The following E2F7 variants were observed in gnomAD, a reference collection of about 807,000 sequenced individuals.
The protein encoded by E2F7 is transcription factor E2F7.
A neutral mutation model predicts 81.1 loss-of-function variants in E2F7; 35 were observed. That is an observed-to-expected ratio of 0.43 (90% CI 0.33 to 0.57). The LOEUF is 0.57. E2F7 is among the 20% of genes least tolerant of loss of function. The pLI is 0.04. For synonymous variants in E2F7, 416 were observed against 416.2 expected (o/e 1.00, Z 0.01); for missense variants, 961 against 1,093.7 (o/e 0.88, Z 1.71).
In E2F7 at chr12:77,030,062, A is replaced by G; in HGVS notation, c.1653T>C (p.Ser551=). 6.2e-7 allele frequency: 1 copy of G among 1,614,194 alleles called. No individual in the cohort carries two copies. ...TTCCATACAGCATGAACAGTGAGGC[A>G]GAGGGCACATACACTAGAGGCTGGC... ...LAGQPLVYVP[S]ASLFMLYGSL... Residue 551 remains serine (S), a synonymous_variant, in exon 10 of 13, where the codon TCT becomes TCC. Transcript: ENST00000322886.
intron 12 of E2F7, among the ~76,000 whole-genome samples, chr12:77,024,455 C>A (rs1041820035): frequency 2.6e-5 from 4 of 152,156 alleles, no homozygotes; most frequent in African/African-American, 9.7e-5. Flanking sequence ...CCACTGTGGA[C>A]AAGTTACTTA....
chr12:77,056,236 C>T, intron 2 of E2F7, 106 bp from the exon 3 acceptor site: 1 of 1,205,252 alleles, frequency 8.3e-7, no homozygotes, highest in South Asian at 1.6e-5. Context: ...CAAATAGGAC[C>T]ATATGTTTAG....
Position 77,043,066 on chromosome 12 carries a change from A to G in E2F7, c.1122T>C (p.Ser374=), listed in dbSNP as rs749894747. 1.9e-5 allele frequency: 30 copies of G among 1,613,832 alleles called. No individual in the cohort carries two copies. Among genetic ancestry groups the G allele is most frequent in the Non-Finnish European group, 2.5e-5 (29 of 1,179,934 alleles). Residue 374 remains serine (S), a splice_region_variant and synonymous_variant, in exon 7 of 13, where the codon AGT becomes AGC. Coordinates refer to ENST00000322886, the MANE Select transcript of E2F7 (RefSeq NM_203394.3). ...GCTAGCAAAACCACGCCACCTTACC[A>G]CTTGAGCTGAAGTCCACAGGCCCGA... is the stretch of plus-strand genomic sequence containing the variant. The part of the protein sequence containing the change: ...KWIGPVDFSS[S]DEELVDVSAS...
In E2F7 at chr12:77,028,087, C is replaced by T. The variant is rs1194587425; in HGVS notation, c.1936G>A (p.Ala646Thr). The change falls in exon 11 of 13, where the codon GCA (alanine) becomes ACA (threonine). Residue 646 changes from alanine to threonine, a missense_variant. Physicochemically the swap from Ala to Thr is moderately conservative, Grantham distance 58. This residue lies in a region of E2F7 where 587 missense variants were observed against 620.3 expected (regional missense o/e 0.95). Transcript: ENST00000322886. ...TGAATGTCTTTGAGGGGTATAGATGCCCTGTTACCCATAGTCTTGGGAGAG... is the reference window on the plus strand; with the variant it reads ...TGAATGTCTTTGAGGGGTATAGATGTCCTGTTACCCATAGTCTTGGGAGAG... ...LASPKTMGNR[A>T]SIPLKDIHVN... 1 of 1,614,186 alleles carries T rather than the reference C, an allele frequency of 6.2e-7. No homozygotes were observed. The highest frequency in any genetic ancestry group is 1.1e-5 in the South Asian group (1 of 91,074).
At chr12:77,048,757 G>C (rs1158931457) in intron 4 of E2F7, among the ~76,000 whole-genome samples, 1 of 152,146 alleles carries the variant, frequency 6.6e-6, no homozygotes, top group South Asian at 2.1e-4. Context: ...CTGGAGTTCT[G>C]CTCCAGGCAG....
chr12:77,035,388 C>T (rs948481857), intron 7 of E2F7, among the ~76,000 whole-genome samples: 2 of 152,192 alleles, frequency 1.3e-5, no homozygotes, highest in South Asian at 4.1e-4. Flanking sequence ...CATTCAAAAG[C>T]ACTAGAGGGT....
chr12:77,064,050 T>C lies in E2F7; in HGVS notation c.93+493A>G, dbSNP rs893769685. On this transcript the variant is annotated intron_variant, in intron 2 of 12. Coordinates refer to ENST00000322886, the MANE Select transcript of E2F7 (RefSeq NM_203394.3). ...ACAGTATGGTAAAATATTCAGAATA[T>C]ACTGATGAGTTCAGCCACTTTATCT... 2.6e-5 allele frequency among the ~76,000 whole-genome samples: 4 copies of C among 152,308 alleles called. No individual in the cohort carries two copies. In the East Asian group the frequency reaches 7.7e-4, roughly 29 times the overall value.
intron 2 of E2F7, among the ~76,000 whole-genome samples, chr12:77,060,885 C>T (rs1955072711): frequency 6.6e-6 from 1 of 152,224 alleles, no homozygotes. Context: ...ACTGCTCTTA[C>T]TTAGGTCACC....
At chr12:77,062,672 T>G (rs1241154842) in intron 2 of E2F7, among the ~76,000 whole-genome samples, 1 of 152,108 alleles carries the variant, frequency 6.6e-6, no homozygotes, top group Non-Finnish European at 1.5e-5. Flanking sequence ...AGGAGAAGGG[T>G]CTTTGTTGAA....
chr12:77,027,967 T>C lies in E2F7; in HGVS notation c.2056A>G (p.Thr686Ala). ...SSEWGNPSRN[T>A]DVEKPSKENE... ...TCTTTTGAAGGCTTTTCAACATCTGTATTTCTTGAAGGATTTCCCCACTCA... is the reference window on the plus strand; with the variant it reads ...TCTTTTGAAGGCTTTTCAACATCTGCATTTCTTGAAGGATTTCCCCACTCA... Residue 686 changes from threonine (T) to alanine (A), a missense_variant, in exon 11 of 13, where the codon ACA (threonine) becomes GCA (alanine). Physicochemically the swap from Thr to Ala is moderately conservative, Grantham distance 58. Transcript: ENST00000322886. The C allele has an allele frequency of 1.2e-6, 2 of 1,614,222 alleles. No individual in the cohort carries two copies. Among genetic ancestry groups the C allele is most frequent in the Non-Finnish European group, 1.7e-6 (2 of 1,180,034 alleles).
At chr12:77,040,522 C>T (rs1954886204) in intron 7 of E2F7, among the ~76,000 whole-genome samples, 1 of 152,162 alleles carries the variant, frequency 6.6e-6, no homozygotes, top group South Asian at 2.1e-4. Flanking sequence ...ACCCTGAGTA[C>T]CGACTTTGGA....
At chr12:77,033,690 T>C (rs1184405663) in intron 8 of E2F7, among the ~76,000 whole-genome samples, 167 bp downstream of exon 8, 1 of 152,218 alleles carries the variant, frequency 6.6e-6, no homozygotes, top group Non-Finnish European at 1.5e-5. Flanking sequence ...TCTCCTTTGC[T>C]TCCAATAATT....
In E2F7 at chr12:77,028,135, G is replaced by T. The variant is rs1008159617; in HGVS notation, c.1888C>A (p.Pro630Thr). ...GAGGCAAGGTCTGTGGAATCTGAGG[G>T]TTTCTAAACACAACCAAACCAGGAA... is the stretch of plus-strand genomic sequence containing the variant. ...GPLSLVMPKK[P>T]SDSTDLASPK... is the part of the protein sequence containing the mutation. Residue 630 changes from proline to threonine, a missense_variant, in exon 11 of 13, where the codon CCC becomes ACC. Pro to Thr is a conservative substitution (Grantham distance 38, BLOSUM62 -1). Transcript: ENST00000322886. The T allele has an allele frequency of 1.9e-6, 3 of 1,610,416 alleles. No individual in the cohort carries two copies. Among genetic ancestry groups the T allele is most frequent in the Non-Finnish European group, 2.5e-6 (3 of 1,178,418 alleles).
chr12:77,029,806 G>A, intron 10 of E2F7, 25 bp downstream of exon 10: 1 of 1,611,390 alleles, frequency 6.2e-7, no homozygotes, highest in Non-Finnish European at 8.5e-7. Flanking sequence ...GATGTCACCA[G>A]ACACATCCAC....
intron 7 of E2F7, 83 bp from the exon 8 acceptor site, chr12:77,034,125 C>T (rs1260906507): frequency 1.6e-5 from 19 of 1,211,094 alleles, no homozygotes; most frequent in Non-Finnish European, 2.3e-6. Flanking sequence ...TGGCTTTGAA[C>T]CTATAATTGT....
intron 9 of E2F7, among the ~76,000 whole-genome samples, chr12:77,031,421 A>T (rs1050448928): frequency 4.9e-5 from 7 of 143,088 alleles, no homozygotes; most frequent in Non-Finnish European, 9.3e-5. Context: ...CAGGTGGATA[A>T]CCTGAAGTCA....
At chr12:77,055,579 A>G (rs1338919431) in intron 3 of E2F7, among the ~76,000 whole-genome samples, 2 of 152,202 alleles carry the variant, frequency 1.3e-5, no homozygotes, top group Admixed American at 6.5e-5. Context: ...AAAGAATCCA[A>G]ATTCCTTCAT....
chr12:77,038,438 T>G (rs148597453), intron 7 of E2F7, among the ~76,000 whole-genome samples: 184 of 152,188 alleles, frequency 1.2e-3, no homozygotes, highest in African/African-American at 3.8e-3. Flanking sequence ...TAAATGAAAT[T>G]AAAAATCCCT....
chr12:77,061,190 T>C (rs1319877660), intron 2 of E2F7, among the ~76,000 whole-genome samples: 1 of 152,256 alleles, frequency 6.6e-6, no homozygotes, highest in African/African-American at 2.4e-5. Flanking sequence ...TGACAATTCC[T>C]GTTCGGACCT....
Sources: gnomAD v4.1 joint callset for allele counts (sites outside exome capture counted in the v4.1 genomes callset) on GRCh38, gnomAD v4.1.1 for gene constraint, gnomAD v4.1.1 regional missense constraint, MANE v1.5 for transcripts, NCBI Gene and HGNC (gene_info 2026-07-23, HGNC 2026-07-21) for gene names.